PHRF1: variants seen among roughly 807,000 people sequenced by gnomAD.
The protein encoded by PHRF1 is PHD and RING finger domain-containing protein 1.
In PHRF1, 53 loss-of-function variants were observed where a neutral mutation model predicts 128.9. The ratio of observed to expected loss-of-function variants is 0.41; its 90% CI spans 0.33 to 0.52. PHRF1 has a LOEUF of 0.52. PHRF1 is among the 20% of genes least tolerant of loss of function. The pLI is 0.21. For synonymous variants in PHRF1, 1,178 were observed against 980.6 expected (o/e 1.20, Z -3.76); for missense variants, 2,503 against 2,284.5 (o/e 1.10, Z -1.95).
At position 587,463 on chromosome 11, in the gene PHRF1, A is replaced by G. The variant is rs1231112305; in HGVS notation, c.419A>G (p.Lys140Arg). ...CTGGACTGCATTGTCGAATGGTCCA[A>G]GGTGAGTTCACCTCTGGTTGGGTGC... is the stretch of plus-strand genomic sequence containing the variant. The part of the protein sequence containing the change: ...FCLDCIVEWS[K>R]NANSCPVDRT... The change falls in exon 4 of 18, where the codon AAG becomes AGG. Residue 140 changes from lysine (K) to arginine (R), a missense_variant and splice_region_variant. Transcript: ENST00000264555. 2 of 1,612,944 alleles carry G rather than the reference A, an allele frequency of 1.2e-6. No homozygotes were observed. The highest frequency in any genetic ancestry group is 1.7e-6 in the Non-Finnish European group (2 of 1,179,846).
At chr11:577,251 C>T (rs1232146928) in intron 1 of PHRF1, among the ~76,000 whole-genome samples, 3 of 152,210 alleles carry the variant, frequency 2.0e-5, no homozygotes, top group Admixed American at 1.3e-4. Context: ...AGTAACTGGC[C>T]AGCGCCGGCA....
At position 609,218 on chromosome 11, in the gene PHRF1, G is replaced by C. The variant is rs755955028; in HGVS notation, c.3762G>C (p.Pro1254=). 1.2e-6 allele frequency: 2 copies of C among 1,609,744 alleles called. No homozygotes were observed. Among genetic ancestry groups the C allele is most frequent in the Non-Finnish European group, 1.7e-6 (2 of 1,179,854 alleles). Residue 1254 remains proline (P), a synonymous_variant, in exon 14 of 18, where the codon CCG becomes CCC. Coordinates refer to ENST00000264555, the MANE Select transcript of PHRF1 (RefSeq NM_001286581.2). ...TGGAGGTGGCAGCTGAGTGTGAGCC[G>C]GACGACCTGGACCTGGATTATGGCG... ...PVLEVAAECE[P]DDLDLDYGDS...
At chr11:609,779 C>T (rs1306833930) in intron 14 of PHRF1, 59 bp downstream of exon 14, 130 of 1,242,900 alleles carry the variant, frequency 1.0e-4, no homozygotes, top group African/African-American at 4.8e-4. Flanking sequence ...GGCCCTGGCC[C>T]CCGCCGAGGA....
At chr11:611,359 C>T (rs576821551) in intron 17 of PHRF1, among the ~76,000 whole-genome samples, 2 of 152,306 alleles carry the variant, frequency 1.3e-5, no homozygotes, top group East Asian at 3.9e-4. Context: ...GGTGGGAGAA[C>T]GACCCCCAGA....
At chr11:606,915 G>A (rs1319643347) in intron 13 of PHRF1, 151 bp from the exon 14 acceptor site, 13 of 1,279,432 alleles carry the variant, frequency 1.0e-5, no homozygotes, top group East Asian at 2.5e-5. Context: ...GCAGCTCTCC[G>A]GGTGTGGAAA....
At chr11:611,129 T>C in intron 17 of PHRF1, 47 bp downstream of exon 17, 1 of 1,602,194 alleles carries the variant, frequency 6.2e-7, no homozygotes, top group Non-Finnish European at 8.5e-7. Flanking sequence ...TCACGGGCGG[T>C]ACGTCGCTGC....
At position 609,185 on chromosome 11, in the gene PHRF1, C is replaced by T. The variant is rs1482321002; in HGVS notation, c.3729C>T (p.Pro1243=). 12 of 1,607,618 alleles carry T rather than the reference C, an allele frequency of 7.5e-6. No individual in the cohort carries two copies. The highest frequency in any genetic ancestry group is 6.7e-5 in the East Asian group (3 of 44,868). Residue 1243 remains proline (P), a synonymous_variant, in exon 14 of 18, where the codon CCC becomes CCT. Coordinates refer to ENST00000264555, the MANE Select transcript of PHRF1 (RefSeq NM_001286581.2). ...ATADKAPLQA[P]PVLEVAAECE... Reference sequence around the variant, plus strand: ...CCGACAAGGCCCCCCTGCAGGCTCCCCCTGTCCTGGAGGTGGCAGCTGAGT... The same window carrying T: ...CCGACAAGGCCCCCCTGCAGGCTCCTCCTGTCCTGGAGGTGGCAGCTGAGT...
chr11:578,751 T>C (rs900937060), intron 1 of PHRF1, among the ~76,000 whole-genome samples: 2 of 152,162 alleles, frequency 1.3e-5, no homozygotes, highest in Non-Finnish European at 2.9e-5. Flanking sequence ...GGTTTTGCCA[T>C]GTTGCCCAGG....
chr11:583,263 C>T (rs1219744942), intron 3 of PHRF1, among the ~76,000 whole-genome samples: 9 of 151,108 alleles, frequency 6.0e-5, no homozygotes, highest in Admixed American at 1.3e-4. Flanking sequence ...TGCTGGAACC[C>T]GGGAGTCGGA....
At position 591,927 on chromosome 11, in the gene PHRF1, T is replaced by C. The variant is rs539845892; in HGVS notation, c.504+460T>C. Among the ~76,000 whole-genome samples, 4 of 151,364 alleles carry C rather than the reference T, an allele frequency of 2.6e-5. No individual in the cohort carries two copies. The East Asian group carries it at 7.8e-4, about 29-fold the overall frequency. ...ACACCCGGCTGTTTTTTTTTTTTTTTTTCCCGAGACAAGAGTCTCGCTCTT... is the reference window on the plus strand; with the variant it reads ...ACACCCGGCTGTTTTTTTTTTTTTTCTTCCCGAGACAAGAGTCTCGCTCTT... On this transcript the variant is annotated intron_variant, in intron 5 of 17. Coordinates refer to ENST00000264555, the MANE Select transcript of PHRF1 (RefSeq NM_001286581.2).
chr11:587,263 C>T lies in PHRF1; in HGVS notation c.219C>T (p.Ser73=), dbSNP rs773668579. ...EEEDLEDRSG[S]EDSEDDGETL... ...GCTGGCATGTTTCCTCTCCAGGTTC[C>T]GAGGATTCTGAAGACGACGGGGAGA... is the stretch of plus-strand genomic sequence containing the variant. The change falls in exon 4 of 18, where the codon TCC becomes TCT. Residue 73 remains serine (S), a synonymous_variant. Transcript: ENST00000264555. The T allele has an allele frequency of 2.0e-5, 33 of 1,613,016 alleles. No homozygotes were observed. The highest frequency in any genetic ancestry group is 2.5e-5 in the Non-Finnish European group (30 of 1,179,802).
chr11:582,621 T>C (rs1854274246), intron 3 of PHRF1, among the ~76,000 whole-genome samples: 1 of 151,488 alleles, frequency 6.6e-6, no homozygotes, highest in African/African-American at 2.4e-5. Flanking sequence ...GCCTCCTGGG[T>C]TCACACCATT....
chr11:581,685 T>G, intron 2 of PHRF1, 79 bp downstream of exon 2: 3 of 1,316,212 alleles, frequency 2.3e-6, no homozygotes, highest in Non-Finnish European at 3.1e-6. Context: ...GTCGTCTGTG[T>G]GTGTCACTTG....
At chr11:601,863 T>C (rs922463078) in intron 10 of PHRF1, among the ~76,000 whole-genome samples, 162 bp downstream of exon 10, 1 of 152,256 alleles carries the variant, frequency 6.6e-6, no homozygotes, top group Non-Finnish European at 1.5e-5. Flanking sequence ...AGTGATTTGC[T>C]GATGGAAATG....
At chr11:600,791 C>T (rs1855582478) in intron 9 of PHRF1, among the ~76,000 whole-genome samples, 1 of 151,882 alleles carries the variant, frequency 6.6e-6, no homozygotes, top group Non-Finnish European at 1.5e-5. Flanking sequence ...ACGGTGAAAC[C>T]CCGTCTCTAC....
intron 11 of PHRF1, 82 bp downstream of exon 11, chr11:605,382 G>A (rs1036212139): frequency 2.4e-5 from 37 of 1,540,134 alleles, no homozygotes; most frequent in Middle Eastern, 2.1e-4. Context: ...AGGTGCATGC[G>A]GAGGCGTTAG....
intron 3 of PHRF1, among the ~76,000 whole-genome samples, chr11:583,787 T>C (rs7117022): frequency 0.26 from 39,096 of 152,070 alleles, 5,725 homozygotes; most frequent in African/African-American, 0.39. Flanking sequence ...ACCTCCTTCC[T>C]TGTCCCCTGT....
At chr11:602,754 T>G (rs1343767190) in intron 10 of PHRF1, among the ~76,000 whole-genome samples, 1 of 144,334 alleles carries the variant, frequency 6.9e-6, no homozygotes, top group East Asian at 1.9e-4. Context: ...TTTTTGGTTT[T>G]GTTTTTGTTT....
intron 9 of PHRF1, among the ~76,000 whole-genome samples, chr11:599,296 G>T (rs1855496494): frequency 7.2e-6 from 1 of 139,252 alleles, no homozygotes; most frequent in Non-Finnish European, 1.5e-5. Flanking sequence ...GCTCTCCCAG[G>T]CTGGAGTGCA....
Sources: gnomAD v4.1 joint callset for allele counts (sites outside exome capture counted in the v4.1 genomes callset) on GRCh38, gnomAD v4.1.1 for gene constraint, MANE v1.5 for transcripts, NCBI Gene and HGNC (gene_info 2026-07-23, HGNC 2026-07-21) for gene names.